The following C4orf36 variants were observed in gnomAD, a reference collection of about 807,000 sequenced individuals.
C4orf36 encodes chromosome 4 open reading frame 36.
Under a neutral mutation model 12.2 loss-of-function variants are expected in C4orf36, and 11 were observed. That is an observed-to-expected ratio of 0.90 (90% confidence interval 0.57 to 1.49). C4orf36 has a LOEUF of 1.49. C4orf36 is among the 40% of genes most tolerant of loss of function. C4orf36 has a pLI of 0.00. For synonymous variants in C4orf36, 54 were observed against 51.3 expected, an observed-to-expected ratio of 1.05 and a Z score of -0.22; for missense variants, 137 against 133.9, an observed-to-expected ratio of 1.02 and a Z score of -0.11.
the C4orf36 span, among the ~76,000 whole-genome samples, chr4:86,916,250 T>C: frequency 6.6e-6 from 1 of 151,892 alleles, no homozygotes; most frequent in African/African-American, 2.4e-5. Context: ...GATGCACCTC[T>C]TGGAAAGGAC....
the C4orf36 span, among the ~76,000 whole-genome samples, chr4:86,909,915 A>G: frequency 6.6e-6 from 1 of 151,790 alleles, no homozygotes; most frequent in African/African-American, 2.4e-5. Context: ...AAAAAAAAAA[A>G]AAGGTTATTT....
At chr4:86,919,863 T>C in the C4orf36 span, among the ~76,000 whole-genome samples, 1 of 152,162 alleles carries the variant, frequency 6.6e-6, no homozygotes, top group East Asian at 1.9e-4. Context: ...AGTGAGACCC[T>C]GTCTCTACAA....
chr4:86,911,928 T>TTGGCTCA, the C4orf36 span, among the ~76,000 whole-genome samples: 1 of 152,204 alleles, frequency 6.6e-6, no homozygotes, highest in Non-Finnish European at 1.5e-5. Context: ...TGGCGTGATC[T>TTGGCTCA]TGGCTCACTG....
chr4:86,891,796 T>A (rs544954533), intron 1 of C4orf36, among the ~76,000 whole-genome samples: 1 of 152,290 alleles, frequency 6.6e-6, no homozygotes, highest in South Asian at 2.1e-4. Context: ...AAATGCCAGG[T>A]AAGTTTCGTC....
At chr4:86,924,673 T>C in the C4orf36 span, 1 of 152,250 alleles carries the variant, frequency 6.6e-6, no homozygotes, top group East Asian at 1.9e-4. Flanking sequence ...TATGAATTTC[T>C]GCTTCTCTTA....
chr4:86,893,358 C>T (rs149790223), upstream of C4orf36, among the ~76,000 whole-genome samples: 183 of 152,246 alleles, frequency 1.2e-3, no homozygotes, highest in African/African-American at 4.2e-3. Flanking sequence ...CCGAGAGGGG[C>T]AGATCACGAG....
At chr4:86,890,950 C>T (rs1429661088) in intron 2 of C4orf36, among the ~76,000 whole-genome samples, 1 of 152,150 alleles carries the variant, frequency 6.6e-6, no homozygotes, top group Non-Finnish European at 1.5e-5. Context: ...TTGGAGCCCA[C>T]GTCTTCTTGA....
chr4:86,887,647 C>T (rs1413243904), intron 4 of C4orf36, 111 bp downstream of exon 4: 2 of 1,276,398 alleles, frequency 1.6e-6, no homozygotes, highest in African/African-American at 3.1e-5. Context: ...AGTGGCCCAT[C>T]CACCAGTGGG....
At chr4:86,883,004 T>A (rs1221121712) in intron 4 of C4orf36, among the ~76,000 whole-genome samples, 1 of 152,190 alleles carries the variant, frequency 6.6e-6, no homozygotes, top group African/African-American at 2.4e-5. Flanking sequence ...TTCTAATATT[T>A]AGCCATCCTG....
chr4:86,912,459 C>A, the C4orf36 span, among the ~76,000 whole-genome samples: 1 of 152,180 alleles, frequency 6.6e-6, no homozygotes, highest in Non-Finnish European at 1.5e-5. Context: ...GGACCCAAAG[C>A]TTGGTCCTTG....
intron 4 of C4orf36, among the ~76,000 whole-genome samples, chr4:86,880,092 A>G (rs1747015446): frequency 6.6e-6 from 1 of 152,152 alleles, no homozygotes; most frequent in Admixed American, 6.6e-5. Flanking sequence ...GGTCTCAAGC[A>G]ATCCTCCCAC....
chr4:86,886,905 C>T (rs762784010), intron 4 of C4orf36: 12 of 152,156 alleles, frequency 7.9e-5, no homozygotes, highest in Admixed American at 6.5e-5. Flanking sequence ...AAATGTGGCA[C>T]AAATGCACCA....
At chr4:86,925,444 T>C in the C4orf36 span, 2 of 152,328 alleles carry the variant, frequency 1.3e-5, no homozygotes, top group East Asian at 1.9e-4. Context: ...CTCAAACTCC[T>C]GAGCTCAAGT....
the C4orf36 span, among the ~76,000 whole-genome samples, chr4:86,933,802 TTAGA>T: frequency 6.6e-6 from 1 of 152,250 alleles, no homozygotes; most frequent in Non-Finnish European, 1.5e-5. Flanking sequence ...AACTTTCATC[TTAGA>T]TAGATACACC....
intron 4 of C4orf36, among the ~76,000 whole-genome samples, chr4:86,882,120 A>G (rs766952218): frequency 2.0e-5 from 3 of 152,242 alleles, no homozygotes; most frequent in Non-Finnish European, 2.9e-5. Context: ...TGAATTTTGC[A>G]ATGTAATTTT....
chr4:86,906,519 G>A, the C4orf36 span, among the ~76,000 whole-genome samples: 9 of 151,898 alleles, frequency 5.9e-5, no homozygotes, highest in Non-Finnish European at 8.8e-5. Flanking sequence ...CTTGAGGCCC[G>A]GAGTTCGAGA....
chr4:86,894,808 T>G (rs1321256491), upstream of C4orf36, among the ~76,000 whole-genome samples: 3 of 152,082 alleles, frequency 2.0e-5, no homozygotes, highest in Admixed American at 6.5e-5. Flanking sequence ...CAAGCTGCCT[T>G]ATGGAGAAAT....
At chr4:86,877,051 A>C (rs1373383923) in intron 4 of C4orf36, among the ~76,000 whole-genome samples, 2 of 152,222 alleles carry the variant, frequency 1.3e-5, no homozygotes, top group Non-Finnish European at 2.9e-5. Context: ...GTAACCCTAA[A>C]AAGAAAGAGT....
At chr4:86,893,712 G>A (rs1386082115), upstream of C4orf36, among the ~76,000 whole-genome samples, 3 of 152,002 alleles carry the variant, frequency 2.0e-5, no homozygotes, top group Non-Finnish European at 2.9e-5. Flanking sequence ...GAAACTGGAA[G>A]GTGAGGACTG....
Sources: allele counts gnomAD v4.1 joint callset (sites outside exome capture counted in the v4.1 genomes callset), GRCh38; gene constraint gnomAD v4.1.1; transcripts MANE v1.5; gene names NCBI Gene and HGNC (gene_info 2026-07-23, HGNC 2026-07-21).